Variants in PGAP4 observed in about 807,000 individuals in gnomAD.
The protein encoded by PGAP4 is post-GPI attachment to proteins GalNAc transferase 4.
Under a neutral mutation model 28.2 loss-of-function variants are expected in PGAP4, and 12 were observed. The ratio of observed to expected loss-of-function variants is 0.42; its 90% CI spans 0.27 to 0.69. The LOEUF (loss-of-function observed/expected upper bound fraction) is 0.69, where lower values mean the gene tolerates loss of function less well. Ranked by LOEUF, PGAP4 falls within the 30% of genes least tolerant of loss-of-function variation. The pLI, the probability that PGAP4 is intolerant of heterozygous loss-of-function variation, is 0.22. For missense variants in PGAP4, 425 were observed against 513.5 expected (o/e 0.83, Z 1.67); for synonymous variants, 205 against 211.8 (o/e 0.97, Z 0.28).
intron 2 of PGAP4, among the ~76,000 whole-genome samples, chr9:101,524,291 C>G (rs186304334): frequency 3.3e-5 from 5 of 152,022 alleles, no homozygotes; most frequent in Non-Finnish European, 7.4e-5. Context: ...TCACCCAGCT[C>G]CCATGCAAAC....
chr9:101,519,243 C>T (rs1423372795), intron 2 of PGAP4, among the ~76,000 whole-genome samples: 3 of 152,104 alleles, frequency 2.0e-5, no homozygotes, highest in African/African-American at 7.2e-5. Context: ...CTGCAACCTC[C>T]ACCTCCTGGG....
In PGAP4 at chr9:101,473,430, A is replaced by G. The variant is rs1457276603; in HGVS notation, c.*2451T>C. 1 of 152,248 alleles carries G rather than the reference A, an allele frequency of 6.6e-6. No homozygotes were observed. Among genetic ancestry groups the G allele is most frequent in the African/African-American group, 2.4e-5 (1 of 41,444 alleles). 9.4% of individuals were successfully genotyped at this position (152,248 alleles called of 1,614,324 possible). A position where few individuals can be genotyped will look rare whatever the true frequency, so the allele number is the denominator to read the frequency against. Reference sequence around the variant, plus strand: ...CAGCTGCCCTAATCAAGGACAATACACAAAAATTAGACTCCTTATAAGAAT... The same window carrying G: ...CAGCTGCCCTAATCAAGGACAATACGCAAAAATTAGACTCCTTATAAGAAT... On this transcript the variant is annotated 3_prime_UTR_variant, in exon 2 of 2. Coordinates refer to ENST00000374848, the MANE Select transcript of PGAP4 (RefSeq NM_032342.3).
At chr9:101,492,100 G>A (rs1365244258), upstream of PGAP4, among the ~76,000 whole-genome samples, 1 of 151,570 alleles carries the variant, frequency 6.6e-6, no homozygotes, top group African/African-American at 2.4e-5. Context: ...TCTCTTTTTA[G>A]TTGTATAAGT....
chr9:101,513,988 A>G (rs1826920687), intron 2 of PGAP4, among the ~76,000 whole-genome samples: 1 of 151,080 alleles, frequency 6.6e-6, no homozygotes, highest in South Asian at 2.1e-4. Context: ...AGGAGAGGGT[A>G]AGAGAAAGTT....
At chr9:101,512,789 C>A (rs375952321) in intron 2 of PGAP4, among the ~76,000 whole-genome samples, 92 of 152,190 alleles carry the variant, frequency 6.0e-4, no homozygotes, top group African/African-American at 2.1e-3. Context: ...ATTTCCTCTC[C>A]GTGGATTTAA....
chr9:101,516,053 A>G (rs1276663483), intron 2 of PGAP4, among the ~76,000 whole-genome samples: 1 of 152,190 alleles, frequency 6.6e-6, no homozygotes. Context: ...AAATACAATT[A>G]TGATTTGTCA....
intron 2 of PGAP4, among the ~76,000 whole-genome samples, chr9:101,514,055 C>T (rs1826922222): frequency 6.6e-6 from 1 of 151,478 alleles, no homozygotes; most frequent in Admixed American, 6.6e-5. Flanking sequence ...TTGGATGGTG[C>T]CTGCCCACAT....
At chr9:101,516,356 G>A (rs1215413914) in intron 2 of PGAP4, among the ~76,000 whole-genome samples, 2 of 152,134 alleles carry the variant, frequency 1.3e-5, no homozygotes, top group African/African-American at 4.8e-5. Flanking sequence ...ATTTGCAATA[G>A]TAGCTTCACC....
chr9:101,495,555 C>A (rs897353675), intron 2 of PGAP4, among the ~76,000 whole-genome samples: 1 of 145,118 alleles, frequency 6.9e-6, no homozygotes, highest in Non-Finnish European at 1.5e-5. Context: ...GGATTTTGAA[C>A]CTAGGGAAAC....
rs534813492 is a variant in PGAP4 at position 101,504,094 on chromosome 9, A to G, written c.-164-14894T>C. ...CAAACAATCAGAAAGGGACCAATCA[A>G]CCTGAGCCAGCATGATAAGGAAGTC... On this transcript the variant is annotated intron_variant, in intron 2 of 3. Transcript: ENST00000374851. 1.4e-3 allele frequency among the ~76,000 whole-genome samples: 213 copies of G among 151,884 alleles called. 3 individuals carry two copies. In the Middle Eastern group the frequency reaches 0.017, roughly 12 times the overall value.
intron 2 of PGAP4, among the ~76,000 whole-genome samples, chr9:101,497,231 A>G (rs1023175797): frequency 6.6e-6 from 1 of 151,474 alleles, no homozygotes; most frequent in African/African-American, 2.4e-5. Context: ...CATTTATTTC[A>G]TTTATATTTA....
intron 1 of PGAP4, among the ~76,000 whole-genome samples, chr9:101,478,426 A>G (rs2150738): frequency 0.82 from 125,253 of 152,246 alleles, 52,037 homozygotes; most frequent in African/African-American, 0.94. Flanking sequence ...GGAAAACTGT[A>G]TAGTTTGTGA....
intron 2 of PGAP4, among the ~76,000 whole-genome samples, chr9:101,522,942 T>C (rs1348960881): frequency 6.6e-6 from 1 of 152,194 alleles, no homozygotes; most frequent in African/African-American, 2.4e-5. Flanking sequence ...TCTCTCAGCA[T>C]TTGTTTGTCT....
At chr9:101,515,228 C>CT (rs914698402) in intron 2 of PGAP4, among the ~76,000 whole-genome samples, 1 of 152,156 alleles carries the variant, frequency 6.6e-6, no homozygotes, top group African/African-American at 2.4e-5. Context: ...ATTCTAGAGG[C>CT]TGCTGCATCC....
At chr9:101,484,836 C>T (rs1467751677) in intron 1 of PGAP4, among the ~76,000 whole-genome samples, 2 of 151,966 alleles carry the variant, frequency 1.3e-5, no homozygotes, top group Non-Finnish European at 2.9e-5. Context: ...TATATCAGTG[C>T]AAATTACAGA....
At chr9:101,503,476 A>G (rs1455010160) in intron 2 of PGAP4, among the ~76,000 whole-genome samples, 2 of 152,094 alleles carry the variant, frequency 1.3e-5, no homozygotes, top group African/African-American at 4.8e-5. Flanking sequence ...TCATAAGGTT[A>G]TAATTTTCAT....
intron 1 of PGAP4, among the ~76,000 whole-genome samples, chr9:101,485,944 G>C (rs1230534999): frequency 2.0e-5 from 3 of 152,010 alleles, no homozygotes; most frequent in South Asian, 4.1e-4. Flanking sequence ...TTCCCCTATA[G>C]AAGGAGAAAC....
rs562731205 is a variant in PGAP4 at position 101,493,289 on chromosome 9, A to C, written c.-164-4089T>G. On this transcript the variant is annotated intron_variant, in intron 2 of 3. Transcript: ENST00000374851. ...AAAAAATAGTAAACTTATAAATCTC[A>C]CTAAGTGCAGTCTTATCTTTCAAAG... is the stretch of plus-strand genomic sequence containing the variant. Among the ~76,000 whole-genome samples, 7 of 151,128 alleles carry C rather than the reference A, an allele frequency of 4.6e-5. No individual in the cohort carries two copies. In the East Asian group the frequency reaches 1.4e-3, roughly 29 times the overall value.
At chr9:101,477,219 C>CAAACAAAA (rs995710151) in intron 1 of PGAP4, 50 bp from the exon 2 acceptor site, 1 of 1,328,998 alleles carries the variant, frequency 7.5e-7, no homozygotes, top group African/African-American at 1.5e-5. Context: ...AAAAAACAAA[C>CAAACAAAA]AAACAAACAA....
Sources: allele counts gnomAD v4.1 joint callset (sites outside exome capture counted in the v4.1 genomes callset), GRCh38; gene constraint gnomAD v4.1.1; transcripts MANE v1.5; gene names NCBI Gene and HGNC (gene_info 2026-07-23, HGNC 2026-07-21).